AFF2: variants seen among roughly 807,000 people sequenced by gnomAD.
AFF2 encodes ALF transcription elongation factor 2.
A neutral mutation model predicts 76.9 loss-of-function variants in AFF2; 14 were observed. The observed-to-expected ratio is 0.18, with a 90% CI of 0.12 to 0.28. The LOEUF (loss-of-function observed/expected upper bound fraction) is 0.28, where lower values mean the gene tolerates loss of function less well. Ranked by LOEUF, AFF2 falls within the 10% of genes least tolerant of loss-of-function variation. The probability of loss-of-function intolerance (pLI) is 1.00; values close to 1 mark genes in which losing one functional copy is unlikely to be tolerated. For missense variants in AFF2, 868 were observed against 1,001.1 expected (o/e 0.87, Z 1.79); for synonymous variants, 398 against 366.7 (o/e 1.09, Z -0.98).
At chrX:148,658,707 T>G (rs2054276914) in intron 2 of AFF2, among the ~76,000 whole-genome samples, 1 of 112,632 alleles carries the variant, frequency 8.9e-6, no homozygotes, top group African/African-American at 3.2e-5. Flanking sequence ...AGGATATGCT[T>G]CTTTCGATGA....
At chrX:148,911,223 G>A (rs2071465422) in intron 9 of AFF2, among the ~76,000 whole-genome samples, 1 of 110,660 alleles carries the variant, frequency 9.0e-6, no homozygotes. Context: ...TAAAGGACAA[G>A]AAGACACATC....
At chrX:148,770,220 G>T (rs943603418) in intron 3 of AFF2, among the ~76,000 whole-genome samples, 1 of 111,776 alleles carries the variant, frequency 8.9e-6, no homozygotes, top group Non-Finnish European at 1.9e-5. Context: ...TATAGCTCAA[G>T]GTAGAAACTG....
chrX:148,663,907 T>C (rs2054332944), intron 3 of AFF2, among the ~76,000 whole-genome samples: 1 of 112,137 alleles, frequency 8.9e-6, no homozygotes, highest in Non-Finnish European at 1.9e-5. Context: ...CCTGGGGCTG[T>C]TGACTATATT....
chrX:148,576,393 C>A (rs1302386301), intron 1 of AFF2, among the ~76,000 whole-genome samples: 1 of 111,585 alleles, frequency 9.0e-6, no homozygotes, highest in Non-Finnish European at 1.9e-5. Flanking sequence ...AAACGTGAAG[C>A]AAAACTCTTT....
chrX:148,966,698 C>A, intron 13 of AFF2, 92 bp from the exon 14 acceptor site: 2 of 1,035,989 alleles, frequency 1.9e-6, no homozygotes, highest in Non-Finnish European at 2.5e-6. Flanking sequence ...TTTTTGCCTT[C>A]TTTCGTAACG....
chrX:148,704,126 G>A (rs1468613093), intron 3 of AFF2, among the ~76,000 whole-genome samples: 2 of 98,303 alleles, frequency 2.0e-5, no homozygotes, highest in African/African-American at 7.3e-5. Flanking sequence ...ATTTATATAT[G>A]CCTATGATTA....
intron 9 of AFF2, among the ~76,000 whole-genome samples, chrX:148,926,733 C>A (rs1353737580): frequency 2.7e-5 from 3 of 112,097 alleles, no homozygotes; most frequent in Admixed American, 9.4e-5. Context: ...ATTGCAATAA[C>A]CTCCTGGCCA....
rs190157923 is a variant in AFF2, at chrX:148,787,952, T to C, written c.1042-21924T>C. ...TTTGCAAACTCTCTTTCTCAGTATCTTGCCCTTCCAGAACTGTAAAAGATA... is the reference window on the plus strand; with the variant it reads ...TTTGCAAACTCTCTTTCTCAGTATCCTGCCCTTCCAGAACTGTAAAAGATA... On this transcript the variant is annotated intron_variant, in intron 3 of 20. Transcript: ENST00000370460. 5.1e-4 allele frequency among the ~76,000 whole-genome samples: 57 copies of C among 112,476 alleles called. 1 individual carries two copies. Among genetic ancestry groups the C allele is most frequent in the Admixed American group, 5.7e-4 (6 of 10,619 alleles).
intron 7 of AFF2, among the ~76,000 whole-genome samples, chrX:148,853,761 A>G (rs1569556228): frequency 8.9e-6 from 1 of 112,003 alleles, no homozygotes; most frequent in Non-Finnish European, 1.9e-5. Flanking sequence ...TCAGAGAGCG[A>G]TAGACTTAAA....
Position 148,998,141 on chromosome X carries a change from T to G in AFF2, c.*6809T>G, listed in dbSNP as rs1222188210. The G allele has an allele frequency of 9.0e-6, 1 of 111,620 alleles. No homozygotes were observed. Among genetic ancestry groups the G allele is most frequent in the East Asian group, 2.8e-4 (1 of 3,553 alleles). The allele number at this position is 111,620 out of a possible 1,213,427, so 9.2% of individuals were successfully genotyped here. ...TTTGGGATCAGAAGATACCTAAAAT[T>G]CTCCCCTTTTGCCCACTTGGTTAGA... is the stretch of plus-strand genomic sequence containing the variant. On this transcript the variant is annotated 3_prime_UTR_variant, in exon 21 of 21. Coordinates refer to ENST00000370460, the MANE Select transcript of AFF2 (RefSeq NM_002025.4).
At chrX:148,744,980 C>A (rs2055403626) in intron 3 of AFF2, among the ~76,000 whole-genome samples, 1 of 111,281 alleles carries the variant, frequency 9.0e-6, no homozygotes, top group African/African-American at 3.3e-5. Context: ...AGGACTTTGG[C>A]TGAGGAAATA....
chrX:148,842,815 C>G (rs2070616376), intron 5 of AFF2, 151 bp from the exon 6 acceptor site: 1 of 398,265 alleles, frequency 2.5e-6, no homozygotes, highest in Admixed American at 4.4e-5. Context: ...TCAAATAGAG[C>G]TATAGACAAA....
At chrX:148,516,120 G>C (rs1238055783) in intron 1 of AFF2, among the ~76,000 whole-genome samples, 4 of 111,099 alleles carry the variant, frequency 3.6e-5, no homozygotes, top group African/African-American at 1.3e-4. Flanking sequence ...AAGGTCAAAG[G>C]ACAGCTTGCC....
chrX:148,618,012 C>A (rs1044640395), intron 1 of AFF2, among the ~76,000 whole-genome samples: 3 of 111,483 alleles, frequency 2.7e-5, no homozygotes, highest in Non-Finnish European at 5.7e-5. Flanking sequence ...CTCTTTCTCT[C>A]TCTCTGAGTG....
At chrX:148,847,762 C>G (rs73607931) in intron 7 of AFF2, among the ~76,000 whole-genome samples, 1,487 of 111,528 alleles carry the variant, frequency 0.013, 18 homozygotes, top group African/African-American at 0.046. Flanking sequence ...ATGACAGACA[C>G]AAATAATAAT....
intron 4 of AFF2, among the ~76,000 whole-genome samples, chrX:148,815,363 G>A (rs182391584): frequency 1.8e-5 from 2 of 111,521 alleles, no homozygotes; most frequent in African/African-American, 6.5e-5. Context: ...TCCCTTTTCT[G>A]AAGCTAATTC....
chrX:148,609,352 G>A (rs1250348143), intron 1 of AFF2, among the ~76,000 whole-genome samples: 1 of 111,609 alleles, frequency 9.0e-6, no homozygotes, highest in Admixed American at 9.5e-5. Flanking sequence ...TTTATAACAA[G>A]CTATAAATAT....
intron 3 of AFF2, among the ~76,000 whole-genome samples, chrX:148,668,145 G>T (rs782631952): frequency 2.7e-5 from 3 of 113,127 alleles, no homozygotes; most frequent in East Asian, 5.6e-4. Context: ...AAACCTTAAA[G>T]CTCCAAAATG....
chrX:148,678,506 A>T (rs1232061874), intron 3 of AFF2, among the ~76,000 whole-genome samples: 1 of 111,815 alleles, frequency 8.9e-6, no homozygotes, highest in Non-Finnish European at 1.9e-5. Context: ...CTGCAAAGCC[A>T]GCCAGTCCAA....
Sources: gnomAD v4.1 joint callset for allele counts (sites outside exome capture counted in the v4.1 genomes callset) on GRCh38, gnomAD v4.1.1 for gene constraint, MANE v1.5 for transcripts, NCBI Gene and HGNC (gene_info 2026-07-23, HGNC 2026-07-21) for gene names.